CD5: variants seen among roughly 807,000 people sequenced by gnomAD.
The protein encoded by CD5 is T-cell surface glycoprotein CD5.
Under a neutral mutation model 60.3 loss-of-function variants are expected in CD5, and 36 were observed. That is an observed-to-expected ratio of 0.60 (90% CI 0.46 to 0.79). The LOEUF is 0.79. CD5 is among the 30% of genes least tolerant of loss of function. The pLI is 0.00. For synonymous variants in CD5, 230 were observed against 257.6 expected (o/e 0.89, Z 1.03); for missense variants, 540 against 630.6 (o/e 0.86, Z 1.54).
intron 4 of CD5, 122 bp from the exon 5 acceptor site, chr11:61,119,112 A>G: frequency 8.5e-7 from 1 of 1,180,824 alleles, no homozygotes; most frequent in Non-Finnish European, 1.2e-6. Context: ...TTGGGACCCC[A>G]TCACCTCCCA....
chr11:61,121,775 G>T lies in CD5; in HGVS notation c.970G>T (p.Val324Phe), dbSNP rs371128149. ...GTGCCGGGAGCAGCAGTGTGGCAGC[G>T]TCAACTCCTATCGAGTGCTGGACGC... The part of the protein sequence containing the change: ...EVCREQQCGS[V>F]NSYRVLDAGD... Residue 324 changes from valine (V) to phenylalanine (F), a missense_variant, in exon 6 of 11, where the codon GTC becomes TTC. By Grantham distance (50) the Val-to-Phe change is conservative. Coordinates refer to ENST00000347785, the MANE Select transcript of CD5 (RefSeq NM_014207.4). The T allele has an allele frequency of 3.7e-6, 6 of 1,612,256 alleles. No individual in the cohort carries two copies. The Admixed American group carries it at 1.0e-4, about 27-fold the overall frequency.
chr11:61,115,592 G>C (rs758591068), intron 2 of CD5, among the ~76,000 whole-genome samples: 3 of 152,200 alleles, frequency 2.0e-5, no homozygotes, highest in Admixed American at 2.0e-4. Flanking sequence ...AGGCAACACC[G>C]CATCTCCCAC....
intron 1 of CD5, among the ~76,000 whole-genome samples, chr11:61,114,757 A>G (rs2134601518): frequency 6.6e-6 from 1 of 152,342 alleles, no homozygotes; most frequent in Admixed American, 6.5e-5. Flanking sequence ...GTGGTCACAC[A>G]CATCTATATA....
chr11:61,116,617 CCA>C (rs779668547), intron 2 of CD5, among the ~76,000 whole-genome samples: 514 of 44,526 alleles, frequency 0.012, 2 homozygotes, highest in Admixed American at 0.023. Context: ...CACACACATA[CCA>C]CACACACACC....
rs375271617 is a variant in CD5 at position 61,102,517 on chromosome 11, C to T, written c.-44C>T. ...ATACCCGGCCAGACACCCTCACCTGCGGTGCCCAGCTGCCCAGGCTGAGGC... is the reference window on the plus strand; with the variant it reads ...ATACCCGGCCAGACACCCTCACCTGTGGTGCCCAGCTGCCCAGGCTGAGGC... On this transcript the variant is annotated 5_prime_UTR_variant, in exon 1 of 11. Transcript: ENST00000347785. 64 of 1,506,460 alleles carry T rather than the reference C, an allele frequency of 4.2e-5. No homozygotes were observed. The highest frequency in any genetic ancestry group is 5.6e-5 in the Non-Finnish European group (62 of 1,107,534). The allele number at this position is 1,506,460 out of a possible 1,614,324, so 93.3% of individuals were successfully genotyped here.
At position 61,118,088 on chromosome 11, in the gene CD5, A is replaced by C; in HGVS notation, c.95-87A>C. On this transcript the variant is annotated intron_variant, in intron 2 of 10. Transcript: ENST00000347785. This position sits in a 1 kb window ranked among gnomAD's most constrained non-coding sequence, Gnocchi z 4.7. The stretch of plus-strand genomic sequence containing the variant: ...AGCCCACGGGGCAGGAGGGAGCTCA[A>C]CTGGGCGTCCTAGGGAGAGGGCAGT... 1 of 1,414,446 alleles carries C rather than the reference A, an allele frequency of 7.1e-7. No homozygotes were observed. Among genetic ancestry groups the C allele is most frequent in the Non-Finnish European group, 9.7e-7 (1 of 1,026,484 alleles). 87.6% of individuals were successfully genotyped at this position (1,414,446 alleles called of 1,614,324 possible). A position where few individuals can be genotyped will look rare whatever the true frequency, so the allele number is the denominator to read the frequency against.
chr11:61,098,496 AC>A (rs1293267457), upstream of CD5, among the ~76,000 whole-genome samples: 1 of 152,138 alleles, frequency 6.6e-6, no homozygotes, highest in Non-Finnish European at 1.5e-5. Flanking sequence ...TCGGCACCAC[AC>A]CTGGGCTTGG....
chr11:61,116,678 A>G (rs1490874092), intron 2 of CD5, among the ~76,000 whole-genome samples: 1 of 103,010 alleles, frequency 9.7e-6, no homozygotes, highest in Non-Finnish European at 1.9e-5. Flanking sequence ...ACACACACAC[A>G]CTACACACAC....
upstream of CD5, among the ~76,000 whole-genome samples, chr11:61,099,744 T>A (rs62646344): frequency 1 from 151,006 of 151,212 alleles, 75,400 homozygotes; most frequent in East Asian, 1. Context: ...CACACACATC[T>A]ACATGGAGAT....
Position 61,122,947 on chromosome 11 carries a change from G to A in CD5, c.1140G>A (p.Val380=). Residue 380 remains valine, a synonymous_variant, in exon 7 of 11, where the codon GTG becomes GTA. Coordinates refer to ENST00000347785, the MANE Select transcript of CD5 (RefSeq NM_014207.4). ...PNPAGLAAGT[V]ASIILALVLL... is the part of the protein sequence containing the mutation. ...CCGCAGGCCTGGCCGCAGGCACGGT[G>A]GCAAGCATCATCCTGGCCCTGGTGC... The A allele has an allele frequency of 6.2e-7, 1 of 1,614,108 alleles. No individual in the cohort carries two copies. The highest frequency in any genetic ancestry group is 8.5e-7 in the Non-Finnish European group (1 of 1,179,952).
intron 6 of CD5, 68 bp from the exon 7 acceptor site, chr11:61,122,839 G>A: frequency 6.7e-7 from 1 of 1,500,272 alleles, no homozygotes. Flanking sequence ...CAGGCAGCCA[G>A]CAGCTTCCCT....
intron 5 of CD5, among the ~76,000 whole-genome samples, chr11:61,119,892 G>C (rs887243777): frequency 3.3e-5 from 5 of 151,180 alleles, no homozygotes; most frequent in African/African-American, 1.2e-4. Context: ...GTCTGGGGGA[G>C]AAAAAAAAAT....
At chr11:61,125,405 C>T (rs1325324730) in intron 9 of CD5, among the ~76,000 whole-genome samples, 1 of 152,224 alleles carries the variant, frequency 6.6e-6, no homozygotes, top group East Asian at 1.9e-4. Context: ...CCATCAACCC[C>T]AGCCTTGCTG....
At chr11:61,110,248 G>T (rs898185458) in intron 1 of CD5, among the ~76,000 whole-genome samples, 1 of 152,082 alleles carries the variant, frequency 6.6e-6, no homozygotes, top group African/African-American at 2.4e-5. Flanking sequence ...CATATTCATG[G>T]ACAGGCTGAA....
the CD5 span, among the ~76,000 whole-genome samples, chr11:61,096,827 C>T: frequency 6.6e-6 from 1 of 152,192 alleles, no homozygotes; most frequent in African/African-American, 2.4e-5. Context: ...TGGTGGTCAG[C>T]CAAGCCCCTG....
chr11:61,099,415 A>ACACACATCAACATGGAGATTACACACG (rs1860625895), upstream of CD5, among the ~76,000 whole-genome samples: 1 of 92,874 alleles, frequency 1.1e-5, no homozygotes, highest in Admixed American at 1.3e-4. Flanking sequence ...GAAATCACAC[A>ACACACATCAACATGGAGATTACACACG]CATCAACATG....
upstream of CD5, among the ~76,000 whole-genome samples, chr11:61,099,120 C>A (rs1304138686): frequency 6.6e-6 from 1 of 152,226 alleles, no homozygotes; most frequent in Non-Finnish European, 1.5e-5. Context: ...AGAGACCCTG[C>A]CTCTTCTTCA....
Position 61,118,757 on chromosome 11 carries a change from C to A in CD5, c.401-158C>A, listed in dbSNP as rs1380915335. Among the ~76,000 whole-genome samples the A allele has an allele frequency of 6.6e-6, 1 of 152,220 alleles. No homozygotes were observed. The highest frequency in any genetic ancestry group is 2.4e-5 in the African/African-American group (1 of 41,450). On this transcript the variant is annotated intron_variant, in intron 3 of 10. Coordinates refer to ENST00000347785, the MANE Select transcript of CD5 (RefSeq NM_014207.4). The surrounding 1 kb of genome is among the most constrained non-coding windows in gnomAD (Gnocchi z 4.7). ...CATCTGTGAAGTGGGGTGGTACTTC[C>A]CGCCTCGCAGGAGGCTTAGAGACAA... is the stretch of plus-strand genomic sequence containing the variant.
chr11:61,120,277 T>A (rs1181544213), intron 5 of CD5, among the ~76,000 whole-genome samples: 4 of 152,096 alleles, frequency 2.6e-5, no homozygotes, highest in Non-Finnish European at 5.9e-5. Context: ...GCAGTACGCC[T>A]CCCTCCGGAA....
Sources: gnomAD v4.1 joint callset for allele counts (sites outside exome capture counted in the v4.1 genomes callset) on GRCh38, gnomAD v4.1.1 for gene constraint, Gnocchi (gnomAD v3.1) non-coding constraint, MANE v1.5 for transcripts, NCBI Gene and HGNC (gene_info 2026-07-23, HGNC 2026-07-21) for gene names.